Variants in ATR observed in about 807,000 individuals in gnomAD.
ATR encodes the protein ATR checkpoint kinase.
In ATR, 142 loss-of-function variants were observed where a neutral mutation model predicts 305.3. That is an observed-to-expected ratio of 0.47 (90% confidence interval 0.41 to 0.53). The LOEUF (loss-of-function observed/expected upper bound fraction) is 0.53. ATR is among the 20% of genes least tolerant of loss of function. The pLI is 0.00. For missense variants in ATR, 2,135 were observed against 3,133.1 expected (o/e 0.68, Z 7.60); for synonymous variants, 1,050 against 1,068.1 (o/e 0.98, Z 0.33).
chr3:142,536,147 T>G lies in ATR; in HGVS notation c.3780A>C (p.Glu1260Asp), dbSNP rs762007243. The G allele has an allele frequency of 1.3e-6, 2 of 1,592,202 alleles. No homozygotes were observed. The highest frequency in any genetic ancestry group is 2.2e-5 in the South Asian group (2 of 90,548). Residue 1260 changes from glutamate (E) to aspartate (D), a missense_variant, in exon 20 of 47, where the codon GAA becomes GAC. By Grantham distance (45) the Glu-to-Asp change is conservative. Around this residue, in one of 9 missense-constraint regions of ATR, gnomAD observed 530 missense variants for 766.8 expected, o/e 0.69. Transcript: ENST00000350721. ...HEIYFLPDHP[E>D]LKKIKAVLQE... is the part of the protein sequence containing the mutation. Reference sequence around the variant, plus strand: ...GGAGAACGGCTTTTATCTTTTTTAATTCTGGATGATCAGGTAAAAAATATA... The same window carrying G: ...GGAGAACGGCTTTTATCTTTTTTAAGTCTGGATGATCAGGTAAAAAATATA...
chr3:142,518,408 T>C (rs1472433977), intron 24 of ATR, among the ~76,000 whole-genome samples: 1 of 152,110 alleles, frequency 6.6e-6, no homozygotes, highest in Non-Finnish European at 1.5e-5. Context: ...TCCCAGCTAC[T>C]TGGGAGACTG....
intron 32 of ATR, 34 bp from the exon 33 acceptor site, chr3:142,497,226 T>C (rs1381292242): frequency 2.5e-6 from 4 of 1,599,562 alleles, no homozygotes; most frequent in Admixed American, 3.3e-5. Flanking sequence ...TAAAATGTTA[T>C]CATATTCAGC....
intron 30 of ATR, chr3:142,500,031 T>C (rs889138100): frequency 3.6e-5 from 8 of 219,998 alleles, no homozygotes; most frequent in South Asian, 6.6e-5. Flanking sequence ...ATTGTAAAAA[T>C]AGCTGCATGC....
intron 35 of ATR, among the ~76,000 whole-genome samples, chr3:142,490,326 G>A (rs1214139970): frequency 6.6e-6 from 1 of 152,172 alleles, no homozygotes; most frequent in African/African-American, 2.4e-5. Flanking sequence ...AAAGCACCGG[G>A]ATTACAGGCC....
intron 21 of ATR, 46 bp downstream of exon 21, chr3:142,535,034 C>A (rs2108423901): frequency 6.4e-7 from 1 of 1,559,956 alleles, no homozygotes. Flanking sequence ...TTTAAGCCTC[C>A]AATCTTTCTT....
At chr3:142,542,643 C>T (rs2034094550) in intron 17 of ATR, 22 bp downstream of exon 17, 1 of 1,572,754 alleles carries the variant, frequency 6.4e-7, no homozygotes, top group Non-Finnish European at 8.7e-7. Context: ...TATCTTAGCA[C>T]TCTGGAACTA....
intron 35 of ATR, 114 bp downstream of exon 35, chr3:142,493,018 T>C (rs1181406950): frequency 8.6e-7 from 1 of 1,156,204 alleles, no homozygotes; most frequent in African/African-American, 1.6e-5. Context: ...ATATACTCAC[T>C]GAAAAGTCAA....
intron 1 of ATR, among the ~76,000 whole-genome samples, chr3:142,570,352 CATA>C (rs1324964048): frequency 6.6e-6 from 1 of 152,098 alleles, no homozygotes; most frequent in African/African-American, 2.4e-5. Context: ...AATCCAGTGT[CATA>C]ATGTTTTCCC....
chr3:142,449,625 CA>C (rs1168287690), intron 46 of ATR, 23 bp from the exon 47 acceptor site: 1 of 1,609,810 alleles, frequency 6.2e-7, no homozygotes, highest in South Asian at 1.1e-5. Context: ...AACATAAAAC[CA>C]AAAACAGATG....
At chr3:142,465,442 A>G in intron 40 of ATR, 1 of 346,504 alleles carries the variant, frequency 2.9e-6, no homozygotes, top group Non-Finnish European at 5.1e-6. Flanking sequence ...AAACATTTTC[A>G]CCCATTAAAA....
chr3:142,523,916 T>C, intron 22 of ATR, 77 bp downstream of exon 22: 4 of 1,427,622 alleles, frequency 2.8e-6, no homozygotes, highest in Admixed American at 1.8e-5. Flanking sequence ...ATAAGCTGAA[T>C]AGTTCTTTGT....
At chr3:142,474,320 T>C (rs1355524336) in intron 36 of ATR, among the ~76,000 whole-genome samples, 1 of 152,200 alleles carries the variant, frequency 6.6e-6, no homozygotes. Flanking sequence ...GTAGATCACT[T>C]TGGGCACTAT....
chr3:142,571,152 G>A (rs549010579), intron 1 of ATR, among the ~76,000 whole-genome samples: 3 of 152,262 alleles, frequency 2.0e-5, no homozygotes, highest in Admixed American at 6.5e-5. Context: ...AGTTGCTGGG[G>A]AGAGGAGAGG....
intron 34 of ATR, among the ~76,000 whole-genome samples, 196 bp from the exon 35 acceptor site, chr3:142,493,507 A>G (rs1212924698): frequency 3.9e-5 from 6 of 152,224 alleles, no homozygotes; most frequent in African/African-American, 1.2e-4. Context: ...AATTAATTTT[A>G]TAACTGCAGT....
At chr3:142,481,877 C>T (rs574288210) in intron 36 of ATR, among the ~76,000 whole-genome samples, 98 of 151,874 alleles carry the variant, frequency 6.5e-4, no homozygotes, top group African/African-American at 2.2e-3. Context: ...GGCAGGAGTG[C>T]AGTGGCATGA....
intron 14 of ATR, 128 bp from the exon 15 acceptor site, chr3:142,549,801 T>C (rs530053921): frequency 2.4e-6 from 2 of 826,180 alleles, no homozygotes; most frequent in Non-Finnish European, 3.9e-6. Context: ...CTATAAAATA[T>C]GTAATAGTAG....
intron 36 of ATR, among the ~76,000 whole-genome samples, chr3:142,473,415 G>A (rs992239105): frequency 1.3e-5 from 2 of 152,126 alleles, no homozygotes; most frequent in African/African-American, 2.4e-5. Context: ...CTGTAAATGC[G>A]TGGATTCATT....
chr3:142,553,847 G>A lies in ATR; in HGVS notation c.2510C>T (p.Ser837Phe). The change falls in exon 11 of 47, where the codon TCT (serine) becomes TTT (phenylalanine). Residue 837 changes from serine to phenylalanine, a missense_variant. Ser to Phe is a radical substitution (Grantham distance 155). This residue lies in a region of ATR where 530 missense variants were observed against 766.8 expected (regional missense o/e 0.69). Coordinates refer to ENST00000350721, the MANE Select transcript of ATR (RefSeq NM_001184.4). The stretch of plus-strand genomic sequence containing the variant: ...AACCTCCTTTATAAATCCATCTTCA[G>A]AGTCCAAGGATTCCAATATGTGCTT... Reference protein sequence around the residue: ...NIKHILESLDSEDGFIKELFV... With the variant: ...NIKHILESLDFEDGFIKELFV... 1 of 1,613,542 alleles carries A rather than the reference G, an allele frequency of 6.2e-7. No individual in the cohort carries two copies. Among genetic ancestry groups the A allele is most frequent in the African/African-American group, 1.3e-5 (1 of 75,032 alleles).
chr3:142,558,927 C>A, intron 7 of ATR, 151 bp from the exon 8 acceptor site: 2 of 776,612 alleles, frequency 2.6e-6, no homozygotes, highest in Non-Finnish European at 4.0e-6. Context: ...GGTCTGAGGT[C>A]TGTGAACCCA....
Sources: allele counts gnomAD v4.1 joint callset (sites outside exome capture counted in the v4.1 genomes callset), GRCh38; gene constraint gnomAD v4.1.1; regional missense constraint gnomAD v4.1.1; transcripts MANE v1.5; gene names NCBI Gene and HGNC (gene_info 2026-07-23, HGNC 2026-07-21).